TOP6BL: variants seen among roughly 807,000 people sequenced by gnomAD.
TOP6BL encodes the protein TOP6B like initiator of meiotic double strand breaks, also known as type 2 DNA topoisomerase 6 subunit B-like.
At chr11:66,830,645 C>A in the TOP6BL span, among the ~76,000 whole-genome samples, 1 of 152,064 alleles carries the variant, frequency 6.6e-6, no homozygotes, top group South Asian at 2.1e-4. Flanking sequence ...AACATTTAGC[C>A]AGACTAATCA....
chr11:66,842,017 G>C, the TOP6BL span, among the ~76,000 whole-genome samples: 11 of 152,040 alleles, frequency 7.2e-5, no homozygotes, highest in Admixed American at 7.2e-4. Flanking sequence ...TGGGCAACAC[G>C]GTGAGACCCC....
At chr11:66,821,389 G>A in the TOP6BL span, among the ~76,000 whole-genome samples, 4 of 150,558 alleles carry the variant, frequency 2.7e-5, no homozygotes, top group South Asian at 2.1e-4. Context: ...CCGGGTTCAC[G>A]CCATTCTCCT....
the TOP6BL span, among the ~76,000 whole-genome samples, chr11:66,833,894 G>A: frequency 6.6e-6 from 1 of 151,722 alleles, no homozygotes; most frequent in African/African-American, 2.4e-5. Flanking sequence ...GTTGCAGTGA[G>A]CCAAGATCAT....
chr11:66,791,046 TTGAA>T, the TOP6BL span, among the ~76,000 whole-genome samples: 2 of 152,214 alleles, frequency 1.3e-5, no homozygotes, highest in South Asian at 2.1e-4. Flanking sequence ...TAGACAATAT[TTGAA>T]TGAAGAGAAT....
chr11:66,761,263 C>T, the TOP6BL span, among the ~76,000 whole-genome samples: 1 of 151,888 alleles, frequency 6.6e-6, no homozygotes, highest in African/African-American at 2.4e-5. Flanking sequence ...CCCAGCTACT[C>T]CAGAGGCTGA....
At chr11:66,775,510 G>C in the TOP6BL span, among the ~76,000 whole-genome samples, 3 of 152,174 alleles carry the variant, frequency 2.0e-5, no homozygotes, top group Non-Finnish European at 4.4e-5. Flanking sequence ...AAATGTGAGT[G>C]GAAGTGACAT....
At chr11:66,800,742 AT>A in the TOP6BL span, 1 of 1,467,908 alleles carries the variant, frequency 6.8e-7, no homozygotes, top group Non-Finnish European at 9.3e-7. Context: ...TGGCTCTGCA[AT>A]TTTTCTCAGC....
the TOP6BL span, among the ~76,000 whole-genome samples, chr11:66,818,369 G>C: frequency 6.6e-6 from 1 of 152,132 alleles, no homozygotes; most frequent in Non-Finnish European, 1.5e-5. Context: ...CTGGCTTGTA[G>C]CTCTTTATTT....
chr11:66,818,502 T>C, the TOP6BL span, among the ~76,000 whole-genome samples: 1 of 152,166 alleles, frequency 6.6e-6, no homozygotes, highest in Non-Finnish European at 1.5e-5. Flanking sequence ...TATGCTCACA[T>C]AGACAGAGGT....
the TOP6BL span, among the ~76,000 whole-genome samples, chr11:66,786,881 A>G: frequency 1.6e-4 from 25 of 152,326 alleles, no homozygotes; most frequent in South Asian, 5.0e-3. Context: ...TTGAAAAACA[A>G]ACTAATGGCA....
At chr11:66,818,522 C>T in the TOP6BL span, among the ~76,000 whole-genome samples, 1 of 152,174 alleles carries the variant, frequency 6.6e-6, no homozygotes, top group African/African-American at 2.4e-5. Context: ...TTGGTAAGAG[C>T]AGCAGCTGAT....
chr11:66,789,143 C>T, the TOP6BL span, among the ~76,000 whole-genome samples: 1 of 152,146 alleles, frequency 6.6e-6, no homozygotes, highest in African/African-American at 2.4e-5. Flanking sequence ...CAGGTGATTC[C>T]TAATATGCAG....
At chr11:66,749,508 A>G in the TOP6BL span, among the ~76,000 whole-genome samples, 2 of 152,278 alleles carry the variant, frequency 1.3e-5, no homozygotes, top group Admixed American at 1.3e-4. Flanking sequence ...TAGCCCACCT[A>G]GAATAGGGGG....
the TOP6BL span, chr11:66,828,291 C>G: frequency 6.8e-6 from 11 of 1,613,622 alleles, no homozygotes; most frequent in Non-Finnish European, 9.3e-6. Context: ...GAGTTCAGGA[C>G]CAAACTGCAC....
At chr11:66,776,009 A>T in the TOP6BL span, among the ~76,000 whole-genome samples, 11 of 151,790 alleles carry the variant, frequency 7.2e-5, no homozygotes, top group African/African-American at 2.7e-4. Context: ...TGGGCACTCA[A>T]AGCATCTCTA....
chr11:66,829,414 A>G, the TOP6BL span, among the ~76,000 whole-genome samples: 4,937 of 152,156 alleles, frequency 0.032, 119 homozygotes, highest in Middle Eastern at 0.061. Context: ...TGTCTCTACT[A>G]AAAATACAAA....
the TOP6BL span, among the ~76,000 whole-genome samples, chr11:66,825,555 G>A: frequency 1.3e-5 from 2 of 151,722 alleles, no homozygotes; most frequent in East Asian, 3.9e-4. Context: ...ACACAGGGAG[G>A]AAGTGGGCAG....
chr11:66,832,989 C>G, the TOP6BL span, among the ~76,000 whole-genome samples: 6 of 149,944 alleles, frequency 4.0e-5, no homozygotes, highest in Admixed American at 1.3e-4. Context: ...TAACTCCAAA[C>G]TGTAACTCCA....
the TOP6BL span, among the ~76,000 whole-genome samples, chr11:66,761,210 A>C: frequency 6.6e-6 from 1 of 152,032 alleles, no homozygotes; most frequent in African/African-American, 2.4e-5. Context: ...TCTCTACTAA[A>C]AATACTAAAA....
Sources: gnomAD v4.1 joint callset for allele counts (sites outside exome capture counted in the v4.1 genomes callset) on GRCh38, gnomAD v4.1.1 for gene constraint, MANE v1.5 for transcripts, NCBI Gene and HGNC (gene_info 2026-07-23, HGNC 2026-07-21) for gene names.